Variants in CFAP61 observed in about 807,000 individuals in gnomAD.
The protein encoded by CFAP61 is cilia and flagella associated protein 61.
A neutral mutation model predicts 135.6 loss-of-function variants in CFAP61; 107 were observed. The observed-to-expected ratio is 0.79, with a 90% CI of 0.67 to 0.93. The LOEUF is 0.93. Ranked by LOEUF, CFAP61 falls within the 40% of genes least tolerant of loss-of-function variation. The pLI is 0.00. For synonymous variants in CFAP61, 575 were observed against 578.5 expected (o/e 0.99, Z 0.09); for missense variants, 1,507 against 1,556.2 (o/e 0.97, Z 0.53).
chr20:20,312,038 C>T (rs982860256), intron 25 of CFAP61, among the ~76,000 whole-genome samples: 4 of 152,168 alleles, frequency 2.6e-5, no homozygotes, highest in Non-Finnish European at 1.5e-5. Context: ...TTCCAAGTAA[C>T]TTATCTACAT....
chr20:20,142,991 C>A, intron 9 of CFAP61, 43 bp downstream of exon 9: 1 of 1,212,574 alleles, frequency 8.2e-7, no homozygotes, highest in South Asian at 1.3e-5. Context: ...GGGGGATGGG[C>A]CTGGGGGCTA....
intron 21 of CFAP61, 132 bp from the exon 22 acceptor site, chr20:20,277,034 T>C (rs925084314): frequency 3.3e-5 from 21 of 643,374 alleles, no homozygotes; most frequent in Admixed American, 2.0e-4. Flanking sequence ...TCGCCGTTGC[T>C]AGGTAACACC....
chr20:20,304,303 TGA>T (rs112391087), intron 25 of CFAP61, among the ~76,000 whole-genome samples: 1,873 of 147,406 alleles, frequency 0.013, 37 homozygotes, highest in African/African-American at 0.041. Flanking sequence ...TGTGTGTGTG[TGA>T]GAGAGAGAGA....
At chr20:20,326,567 G>A (rs776760377) in intron 25 of CFAP61, among the ~76,000 whole-genome samples, 10 of 152,146 alleles carry the variant, frequency 6.6e-5, no homozygotes, top group Non-Finnish European at 1.2e-4. Flanking sequence ...CAAGTGTAGA[G>A]ATAATTTTCC....
At position 20,249,065 on chromosome 20, in the gene CFAP61, C is replaced by T. The variant is rs114546148; in HGVS notation, c.2160-2530C>T. Among the ~76,000 whole-genome samples, 1,509 of 152,260 alleles carry T rather than the reference C, an allele frequency of 9.9e-3. 24 individuals are homozygous for T. The highest frequency in any genetic ancestry group is 0.034 in the African/African-American group (1,407 of 41,538). ...AAGCCTAGTGGAGGTATTTCTCTCA[C>T]CACCAGGCCATGAGTCAGGCCCTGC... On this transcript the variant is annotated intron_variant, in intron 19 of 26. Coordinates refer to ENST00000245957, the MANE Select transcript of CFAP61 (RefSeq NM_015585.4).
chr20:20,055,829 C>A (rs926645), intron 1 of CFAP61: 2 of 729,110 alleles, frequency 2.7e-6, no homozygotes, highest in Admixed American at 5.4e-5. Flanking sequence ...TTTGAGCTCA[C>A]TGGCTAGTAT....
chr20:20,072,089 ATCTTTTTTTTTTTTTTTTT>A (rs2045748931), intron 3 of CFAP61, among the ~76,000 whole-genome samples: 1 of 98,918 alleles, frequency 1.0e-5, no homozygotes, highest in Admixed American at 1.2e-4. Flanking sequence ...TAATCTAGCA[ATCTTTTTTTTTTTTTTTTT>A]TTTTTTTTTT....
chr20:20,181,546 C>G (rs2055100986), intron 13 of CFAP61, among the ~76,000 whole-genome samples: 1 of 152,024 alleles, frequency 6.6e-6, no homozygotes, highest in Non-Finnish European at 1.5e-5. Flanking sequence ...GGGGCTTCAT[C>G]ACTTCTTCAC....
Position 20,339,013 on chromosome 20 carries a change from A to G in CFAP61, c.3423-2818A>G, listed in dbSNP as rs188287662. ...CATTGGCAGCATGAACAGAGACAGT[A>G]ATGTCTTCTATTTCAGTCTTGAAGA... is the stretch of plus-strand genomic sequence containing the variant. On this transcript the variant is annotated intron_variant, in intron 25 of 26. Coordinates refer to ENST00000245957, the MANE Select transcript of CFAP61 (RefSeq NM_015585.4). Among the ~76,000 whole-genome samples the G allele has an allele frequency of 1.8e-3, 279 of 152,300 alleles. 3 individuals carry two copies. The highest frequency in any genetic ancestry group is 0.01 in the Middle Eastern group (3 of 294).
chr20:20,269,184 C>CACACGTATATACATATATGTATATAT (rs2053103298), intron 21 of CFAP61, among the ~76,000 whole-genome samples: 1 of 84,222 alleles, frequency 1.2e-5, no homozygotes, highest in African/African-American at 3.8e-5. Context: ...TGTATATACA[C>CACACGTATATACATATATGTATATAT]ACACATATAT....
At chr20:20,100,755 T>C (rs1259938343) in intron 8 of CFAP61, among the ~76,000 whole-genome samples, 1 of 152,174 alleles carries the variant, frequency 6.6e-6, no homozygotes, top group Non-Finnish European at 1.5e-5. Context: ...CCTTAGAAAC[T>C]TTATGGGGCA....
At chr20:20,235,300 C>T (rs1282940666) in intron 18 of CFAP61, among the ~76,000 whole-genome samples, 2 of 152,180 alleles carry the variant, frequency 1.3e-5, no homozygotes, top group Non-Finnish European at 2.9e-5. Flanking sequence ...TCTCAGTTTT[C>T]TCTCCTCCTT....
chr20:20,353,333 C>T (rs572718014), intron 26 of CFAP61, among the ~76,000 whole-genome samples: 14 of 152,180 alleles, frequency 9.2e-5, no homozygotes, highest in African/African-American at 2.6e-4. Context: ...TCCCAGTGTG[C>T]GTGAGTGTGG....
At position 20,172,677 on chromosome 20, in the gene CFAP61, A is replaced by T. The variant is rs1180668011; in HGVS notation, c.1385+3217A>T. ...TACAGCAAAATTGAGCAGAAAGTGC[A>T]GAGAGTTCTCACAAGCCCCTTCTCC... On this transcript the variant is annotated intron_variant, in intron 13 of 26. Coordinates refer to ENST00000245957, the MANE Select transcript of CFAP61 (RefSeq NM_015585.4). Among the ~76,000 whole-genome samples, 3 of 152,204 alleles carry T rather than the reference A, an allele frequency of 2.0e-5. No individual in the cohort carries two copies. In the East Asian group the frequency reaches 5.8e-4, roughly 29 times the overall value.
At chr20:20,331,639 A>T (rs2058001788) in intron 25 of CFAP61, among the ~76,000 whole-genome samples, 1 of 152,216 alleles carries the variant, frequency 6.6e-6, no homozygotes, top group Admixed American at 6.5e-5. Context: ...TAAGGGAGTG[A>T]AATATCTTGC....
chr20:20,320,043 C>G (rs1027679212), intron 25 of CFAP61, among the ~76,000 whole-genome samples: 1 of 151,746 alleles, frequency 6.6e-6, no homozygotes, highest in African/African-American at 2.4e-5. Context: ...AAACACAGAG[C>G]TGAAGTATAT....
chr20:20,312,265 C>A (rs2056876894), intron 25 of CFAP61, among the ~76,000 whole-genome samples: 1 of 152,178 alleles, frequency 6.6e-6, no homozygotes, highest in African/African-American at 2.4e-5. Context: ...GCTATTATAA[C>A]TGTTACTATA....
At chr20:20,358,599 C>T (rs2059361490) in intron 26 of CFAP61, among the ~76,000 whole-genome samples, 1 of 152,284 alleles carries the variant, frequency 6.6e-6, no homozygotes. Context: ...CAGAACCTCC[C>T]AGTACTTAGT....
At chr20:20,133,286 C>T (rs2050679996) in intron 8 of CFAP61, among the ~76,000 whole-genome samples, 1 of 152,194 alleles carries the variant, frequency 6.6e-6, no homozygotes, top group Admixed American at 6.5e-5. Flanking sequence ...AACTAGGCAG[C>T]TCTGCTGATC....
Sources: gnomAD v4.1 joint callset for allele counts (sites outside exome capture counted in the v4.1 genomes callset) on GRCh38, gnomAD v4.1.1 for gene constraint, MANE v1.5 for transcripts, NCBI Gene and HGNC (gene_info 2026-07-23, HGNC 2026-07-21) for gene names.